Variants in YJU2 observed in about 807,000 individuals in gnomAD.
YJU2 encodes YJU2 splicing factor homolog.
YJU2 carries 28 observed loss-of-function variants against 39.6 expected under a neutral mutation model. The ratio of observed to expected loss-of-function variants is 0.71; its 90% confidence interval spans 0.52 to 0.97. The LOEUF is 0.97. Ranked by LOEUF, YJU2 falls within the 50% of genes least tolerant of loss-of-function variation. YJU2 has a pLI of 0.00. For missense variants in YJU2, 328 were observed against 430.4 expected (o/e 0.76, Z 2.11); for synonymous variants, 184 against 182.4 (o/e 1.01, Z -0.07).
rs377694798 is a variant in YJU2 at position 4,247,126 on chromosome 19, C to T, written c.-21C>T. On this transcript the variant is annotated 5_prime_UTR_variant, in exon 1 of 8. Transcript: ENST00000262962. ...AGCCTAACCATTTCTCAGGTGCTTGCGAGGTGATCAGAAGGCAAAGATGTC... is the reference window on the plus strand; with the variant it reads ...AGCCTAACCATTTCTCAGGTGCTTGTGAGGTGATCAGAAGGCAAAGATGTC... 3.7e-6 allele frequency: 6 copies of T among 1,612,556 alleles called. No individual in the cohort carries two copies. In the African/African-American group the frequency reaches 6.7e-5, roughly 18 times the overall value.
Position 4,267,666 on chromosome 19 carries a change from G to T in YJU2, c.751G>T (p.Val251Phe), listed in dbSNP as rs776471106. ...GAAGGTGGAGGTCTGGGAGCAGAGCGTTGGCAGCCTGGGCAGCCGGCCCCC... is the reference window on the plus strand; with the variant it reads ...GAAGGTGGAGGTCTGGGAGCAGAGCTTTGGCAGCCTGGGCAGCCGGCCCCC... ...KRKVEVWEQSVGSLGSRPPLS... is the reference protein window; with the variant it reads ...KRKVEVWEQSFGSLGSRPPLS... The change falls in exon 7 of 8, where the codon GTT becomes TTT. Residue 251 changes from valine (V) to phenylalanine (F), a missense_variant. Transcript: ENST00000262962. 1.2e-6 allele frequency: 2 copies of T among 1,613,468 alleles called. No individual in the cohort carries two copies. Among genetic ancestry groups the T allele is most frequent in the Admixed American group, 3.3e-5 (2 of 59,994 alleles).
intron 5 of YJU2, among the ~76,000 whole-genome samples, chr19:4,259,735 C>T (rs1180126296): frequency 2.0e-5 from 3 of 152,098 alleles, no homozygotes; most frequent in African/African-American, 7.2e-5. Context: ...CCCTCCTTTC[C>T]TGGTGCCTCA....
At position 4,268,905 on chromosome 19, in the gene YJU2, G is replaced by A. The variant is rs1568365231; in HGVS notation, c.*209G>A. ...GCCCTCACCAGCCTCTCAACACCTCGGGGACCCCTGCTGCTCCTGCCCCCA... is the reference window on the plus strand; with the variant it reads ...GCCCTCACCAGCCTCTCAACACCTCAGGGACCCCTGCTGCTCCTGCCCCCA... On this transcript the variant is annotated 3_prime_UTR_variant, in exon 8 of 8. Coordinates refer to ENST00000262962, the MANE Select transcript of YJU2 (RefSeq NM_018074.6). 3.5e-6 allele frequency: 2 copies of A among 571,782 alleles called. No homozygotes were observed. The highest frequency in any genetic ancestry group is 6.3e-6 in the Non-Finnish European group (2 of 318,512). The allele number at this position is 571,782 out of a possible 1,614,324, so 35.4% of individuals were successfully genotyped here. A position where few individuals can be genotyped will look rare whatever the true frequency, so the allele number is the denominator to read the frequency against.
At chr19:4,254,908 T>G (rs908016086) in intron 4 of YJU2, among the ~76,000 whole-genome samples, 1 of 151,490 alleles carries the variant, frequency 6.6e-6, no homozygotes, top group African/African-American at 2.4e-5. Flanking sequence ...ATACAAAAAT[T>G]AGCCAGGCAT....
chr19:4,259,280 C>T (rs543474646), intron 5 of YJU2, among the ~76,000 whole-genome samples: 9 of 151,890 alleles, frequency 5.9e-5, no homozygotes, highest in Admixed American at 4.6e-4. Flanking sequence ...GGGGTTTCAC[C>T]GTGTTAGCCA....
At chr19:4,250,995 G>T in intron 2 of YJU2, 32 bp from the exon 3 acceptor site, 1 of 1,604,186 alleles carries the variant, frequency 6.2e-7, no homozygotes, top group Non-Finnish European at 8.5e-7. Context: ...AGCGTCCCAA[G>T]ACAGCTCACA....
At chr19:4,248,723 A>G (rs990870266) in intron 1 of YJU2, among the ~76,000 whole-genome samples, 2 of 152,130 alleles carry the variant, frequency 1.3e-5, no homozygotes, top group African/African-American at 4.8e-5. Flanking sequence ...GTTCGAGACT[A>G]GCCTGGCCAA....
intron 5 of YJU2, among the ~76,000 whole-genome samples, chr19:4,260,661 A>G (rs1971063847): frequency 6.6e-6 from 1 of 151,958 alleles, no homozygotes; most frequent in African/African-American, 2.4e-5. Context: ...GGGTCTCGCT[A>G]TGTTGCCCAG....
chr19:4,256,893 A>T (rs947359689), intron 4 of YJU2, among the ~76,000 whole-genome samples: 1 of 152,178 alleles, frequency 6.6e-6, no homozygotes, highest in Non-Finnish European at 1.5e-5. Flanking sequence ...TTTACATCCT[A>T]GTCTCAGAAG....
chr19:4,249,150 C>G, intron 1 of YJU2, 78 bp from the exon 2 acceptor site: 1 of 999,556 alleles, frequency 1.0e-6, no homozygotes, highest in East Asian at 2.5e-5. Flanking sequence ...ACACAGCTCC[C>G]CAGAGCCCCT....
In YJU2 at chr19:4,247,651, GTGTGTGTGTGTGTGTGT is replaced by G. The variant is rs1970940351; in HGVS notation, c.24+482_24+498del. ...TGTGTGTGTGTGTGTGTGTGTGTGTGTGTGTGTGTGTGTGTGTGTGTGTGTGTGTGTGTGTGTGTGTG... is the reference window on the plus strand; with the variant it reads ...TGTGTGTGTGTGTGTGTGTGTGTGTGGTGTGTGTGTGTGTGTGTGTGTGTG... On this transcript the variant is annotated intron_variant, in intron 1 of 7. Transcript: ENST00000262962. Among the ~76,000 whole-genome samples the G allele has an allele frequency of 2.6e-4, 18 of 70,096 alleles. 1 individual carries two copies. Among genetic ancestry groups the G allele is most frequent in the African/African-American group, 6.1e-4 (9 of 14,874 alleles). 46.0% of individuals were successfully genotyped at this position (70,096 alleles called of 152,430 possible).
intron 6 of YJU2, among the ~76,000 whole-genome samples, chr19:4,267,185 G>C (rs1301310106): frequency 6.6e-6 from 1 of 152,094 alleles, no homozygotes; most frequent in Admixed American, 6.6e-5. Context: ...GAGTTGGGGA[G>C]AGAGTTATAA....
At chr19:4,262,185 A>C (rs540312644) in intron 6 of YJU2, 71 bp downstream of exon 6, 1,479 of 1,486,998 alleles carry the variant, frequency 9.9e-4, no homozygotes, top group Non-Finnish European at 1.3e-3. Flanking sequence ...GGTCAGCTTG[A>C]CTTTTTCTTT....
chr19:4,253,278 A>G (rs1467651638), intron 3 of YJU2, among the ~76,000 whole-genome samples: 2 of 151,580 alleles, frequency 1.3e-5, no homozygotes, highest in East Asian at 3.9e-4. Context: ...GAATGTTACC[A>G]TTAACATTGT....
rs760466370 is a variant in YJU2, at chr19:4,249,308, G to T, written c.105G>T (p.Leu35=). ...LPKDRQYVVR[L]MAPFNMRCKT... ...AAGACCGGCAGTACGTGGTGCGGCT[G>T]ATGGCCCCCTTCAACATGAGGTGAG... is the stretch of plus-strand genomic sequence containing the variant. The change falls in exon 2 of 8, where the codon CTG becomes CTT. Residue 35 remains leucine (L), a synonymous_variant. Coordinates refer to ENST00000262962, the MANE Select transcript of YJU2 (RefSeq NM_018074.6). The T allele has an allele frequency of 1.2e-6, 2 of 1,613,338 alleles. No homozygotes were observed. The highest frequency in any genetic ancestry group is 2.7e-5 in the African/African-American group (2 of 74,904).
At chr19:4,252,974 A>G (rs1189244222) in intron 3 of YJU2, among the ~76,000 whole-genome samples, 1 of 149,520 alleles carries the variant, frequency 6.7e-6, no homozygotes, top group Admixed American at 6.7e-5. Context: ...GATTTACAGA[A>G]AAGTTCCAAA....
chr19:4,259,527 A>T (rs902971081), intron 5 of YJU2, among the ~76,000 whole-genome samples: 3 of 152,082 alleles, frequency 2.0e-5, no homozygotes, highest in Non-Finnish European at 4.4e-5. Flanking sequence ...CCACAGGGAC[A>T]CATCACCATG....
At chr19:4,260,517 A>G (rs1007615814) in intron 5 of YJU2, among the ~76,000 whole-genome samples, 1 of 151,846 alleles carries the variant, frequency 6.6e-6, no homozygotes, top group Non-Finnish European at 1.5e-5. Flanking sequence ...TGGGCGTATC[A>G]CCTGAGGTCA....
chr19:4,256,149 G>A (rs1456789515), intron 4 of YJU2, among the ~76,000 whole-genome samples: 5 of 140,734 alleles, frequency 3.6e-5, no homozygotes, highest in South Asian at 4.5e-4. Context: ...ACTCCAGCCT[G>A]GAAGACAGCA....
Sources: gnomAD v4.1 joint callset for allele counts (sites outside exome capture counted in the v4.1 genomes callset) on GRCh38, gnomAD v4.1.1 for gene constraint, MANE v1.5 for transcripts, NCBI Gene and HGNC (gene_info 2026-07-23, HGNC 2026-07-21) for gene names.